The following LINGO2 variants were observed in gnomAD, a reference collection of about 807,000 sequenced individuals.
The protein encoded by LINGO2 is leucine rich repeat and Ig domain containing 2, also known as leucine-rich repeat and immunoglobulin-like domain-containing nogo receptor-interacting protein 2.
A neutral mutation model predicts 30.6 loss-of-function variants in LINGO2; 14 were observed. The observed-to-expected ratio is 0.46, with a 90% CI of 0.30 to 0.72. LINGO2 has a LOEUF of 0.72. LINGO2 is among the 30% of genes least tolerant of loss of function. LINGO2 has a pLI of 0.07. For synonymous variants in LINGO2, 317 were observed against 288.5 expected (o/e 1.10, Z -1.00); for missense variants, 729 against 751.7 (o/e 0.97, Z 0.35).
the LINGO2 span, among the ~76,000 whole-genome samples, chr9:29,154,203 G>A: frequency 2.6e-5 from 4 of 152,074 alleles, no homozygotes; most frequent in African/African-American, 4.8e-5. Flanking sequence ...CCAGCATTTT[G>A]GAGAGGCCAA....
At chr9:29,079,697 T>C in the LINGO2 span, among the ~76,000 whole-genome samples, 5 of 151,906 alleles carry the variant, frequency 3.3e-5, no homozygotes, top group African/African-American at 9.7e-5. Context: ...CTCCAGAACA[T>C]ATAAGCAACG....
At chr9:28,554,526 T>A (rs1359377019) in intron 1 of LINGO2, among the ~76,000 whole-genome samples, 1 of 146,610 alleles carries the variant, frequency 6.8e-6, no homozygotes, top group African/African-American at 2.6e-5. Flanking sequence ...ACAAAGAGAC[T>A]TAGACTCCCA....
chr9:28,682,615 C>A, the LINGO2 span, among the ~76,000 whole-genome samples: 2 of 151,924 alleles, frequency 1.3e-5, no homozygotes, highest in Non-Finnish European at 2.9e-5. Context: ...TCTGTAGTCA[C>A]AAGTCTATAT....
chr9:29,003,701 A>G, the LINGO2 span, among the ~76,000 whole-genome samples: 1 of 151,986 alleles, frequency 6.6e-6, no homozygotes, highest in Non-Finnish European at 1.5e-5. Context: ...GTCAGAGAGA[A>G]GAGGTTACAA....
the LINGO2 span, among the ~76,000 whole-genome samples, chr9:28,950,094 A>T: frequency 4.6e-5 from 7 of 152,340 alleles, no homozygotes; most frequent in East Asian, 1.3e-3. Context: ...TTCAATATAC[A>T]TAAATCAATA....
intron 2 of LINGO2, among the ~76,000 whole-genome samples, chr9:28,387,271 C>T (rs1287528577): frequency 6.6e-6 from 1 of 151,952 alleles, no homozygotes; most frequent in Non-Finnish European, 1.5e-5. Context: ...CCAATTGGCA[C>T]TCTGTGTCTA....
Position 28,594,293 on chromosome 9 carries a change from G to C in LINGO2, c.-365+75907C>G, listed in dbSNP as rs184644502. Among the ~76,000 whole-genome samples the C allele has an allele frequency of 2.0e-5, 3 of 151,986 alleles. No individual in the cohort carries two copies. In the South Asian group the frequency reaches 6.2e-4, roughly 31 times the overall value. ...TATAATTAGCCAACTCATATTTAAC[G>C]TAATTTTCTAAAGTATACAGCTTAG... On this transcript the variant is annotated intron_variant, in intron 1 of 5. Coordinates refer to ENST00000379992, the Ensembl canonical transcript of LINGO2.
the LINGO2 span, among the ~76,000 whole-genome samples, chr9:29,039,512 C>G: frequency 6.6e-6 from 1 of 152,144 alleles, no homozygotes; most frequent in African/African-American, 2.4e-5. Context: ...TGGTGACACA[C>G]AGCACCATCT....
At chr9:28,998,675 A>G in the LINGO2 span, among the ~76,000 whole-genome samples, 1 of 152,096 alleles carries the variant, frequency 6.6e-6, no homozygotes, top group African/African-American at 2.4e-5. Flanking sequence ...GATTGCAGGC[A>G]GAAGAAAATG....
chr9:29,116,156 T>G, the LINGO2 span, among the ~76,000 whole-genome samples: 2 of 151,140 alleles, frequency 1.3e-5, no homozygotes, highest in Admixed American at 6.6e-5. Flanking sequence ...TAAATATATC[T>G]TTCCTGATAA....
the LINGO2 span, among the ~76,000 whole-genome samples, chr9:28,713,446 T>C: frequency 1.3e-5 from 2 of 152,142 alleles, no homozygotes; most frequent in Non-Finnish European, 2.9e-5. Context: ...GTTATGATCA[T>C]ATGACTATGC....
At chr9:29,085,895 T>G in the LINGO2 span, among the ~76,000 whole-genome samples, 1 of 152,198 alleles carries the variant, frequency 6.6e-6, no homozygotes, top group African/African-American at 2.4e-5. Context: ...ATGATTTGCA[T>G]GCTTAGCCTC....
At chr9:28,585,787 G>A (rs1521738) in intron 1 of LINGO2, among the ~76,000 whole-genome samples, 89,120 of 151,798 alleles carry the variant, frequency 0.59, 26,548 homozygotes, top group East Asian at 0.69. Context: ...AACAGAGATG[G>A]GATCTGTTCT....
At chr9:29,124,436 T>C in the LINGO2 span, among the ~76,000 whole-genome samples, 1 of 152,058 alleles carries the variant, frequency 6.6e-6, no homozygotes, top group African/African-American at 2.4e-5. Flanking sequence ...CTAAAAAGCT[T>C]CTGCACAGCA....
At chr9:28,225,627 A>C (rs1203181535) in intron 4 of LINGO2, among the ~76,000 whole-genome samples, 1 of 152,116 alleles carries the variant, frequency 6.6e-6, no homozygotes, top group African/African-American at 2.4e-5. Flanking sequence ...AATGAACAAA[A>C]TATAAATACC....
intron 5 of LINGO2, among the ~76,000 whole-genome samples, chr9:28,000,022 A>T (rs1183529386): frequency 6.6e-6 from 1 of 152,156 alleles, no homozygotes; most frequent in African/African-American, 2.4e-5. Flanking sequence ...AGGGGATTGG[A>T]TTGTTTTCTA....
At chr9:28,051,918 A>G (rs1330228256) in intron 4 of LINGO2, among the ~76,000 whole-genome samples, 1 of 151,990 alleles carries the variant, frequency 6.6e-6, no homozygotes, top group Non-Finnish European at 1.5e-5. Context: ...CTTATACCTA[A>G]CAATAAAAAA....
chr9:28,629,834 A>G (rs1403745268), intron 1 of LINGO2, among the ~76,000 whole-genome samples: 2 of 152,068 alleles, frequency 1.3e-5, no homozygotes, highest in South Asian at 4.1e-4. Context: ...GAAAAAATGC[A>G]TGAGGGTCAG....
rs571690309 is a variant in LINGO2 at position 28,575,118 on chromosome 9, A to T, written c.-365+95082T>A. Reference sequence around the variant, plus strand: ...ACCGATGCAGAAATAAAAATCAAACACCAGGCCAGGCGTGGTGGCTCACGC... The same window carrying T: ...ACCGATGCAGAAATAAAAATCAAACTCCAGGCCAGGCGTGGTGGCTCACGC... On this transcript the variant is annotated intron_variant, in intron 1 of 5. Coordinates refer to ENST00000379992, the Ensembl canonical transcript of LINGO2. Among the ~76,000 whole-genome samples the T allele has an allele frequency of 1.4e-3, 209 of 152,122 alleles. 1 individual carries two copies. Among genetic ancestry groups the T allele is most frequent in the Non-Finnish European group, 2.3e-3 (159 of 67,982 alleles).
Sources: gnomAD v4.1 joint callset for allele counts (sites outside exome capture counted in the v4.1 genomes callset) on GRCh38, gnomAD v4.1.1 for gene constraint, MANE v1.5 for transcripts, NCBI Gene and HGNC (gene_info 2026-07-23, HGNC 2026-07-21) for gene names.